The following AKAP6 variants were observed in gnomAD, a reference collection of about 807,000 sequenced individuals.
The protein encoded by AKAP6 is A-kinase anchor protein 6.
Under a neutral mutation model 188.5 loss-of-function variants are expected in AKAP6, and 58 were observed. That is an observed-to-expected ratio of 0.31 (90% CI 0.25 to 0.38). The LOEUF (loss-of-function observed/expected upper bound fraction) is 0.38. Among genes scored for constraint, AKAP6 ranks in the 10% least tolerant of loss-of-function variants. AKAP6 has a pLI of 1.00. For missense variants in AKAP6, 2,710 were observed against 2,740.0 expected, an observed-to-expected ratio of 0.99 and a Z score of 0.24; for synonymous variants, 989 against 998.6, an observed-to-expected ratio of 0.99 and a Z score of 0.18.
At chr14:32,701,168 T>G (rs553609589) in intron 9 of AKAP6, among the ~76,000 whole-genome samples, 1 of 152,262 alleles carries the variant, frequency 6.6e-6, no homozygotes, top group East Asian at 1.9e-4. Flanking sequence ...GAATTTGGGG[T>G]TATTTATAAG....
intron 1 of AKAP6, among the ~76,000 whole-genome samples, chr14:32,372,541 G>C (rs555736137): frequency 1.4e-5 from 2 of 145,218 alleles, no homozygotes; most frequent in East Asian, 4.1e-4. Context: ...CTTCTTTATA[G>C]CAATATAATT....
intron 4 of AKAP6, among the ~76,000 whole-genome samples, chr14:32,570,864 T>G (rs1280599129): frequency 1.3e-5 from 2 of 152,296 alleles, no homozygotes; most frequent in South Asian, 2.1e-4. Flanking sequence ...AGTTCTTCTC[T>G]TCTGATTCCT....
At chr14:32,646,281 T>C (rs1208693284) in intron 7 of AKAP6, among the ~76,000 whole-genome samples, 1 of 151,988 alleles carries the variant, frequency 6.6e-6, no homozygotes, top group Non-Finnish European at 1.5e-5. Context: ...AATAGATCTA[T>C]AATAGTACAT....
At chr14:32,673,145 T>C (rs897524789) in intron 7 of AKAP6, among the ~76,000 whole-genome samples, 1 of 152,200 alleles carries the variant, frequency 6.6e-6, no homozygotes, top group Non-Finnish European at 1.5e-5. Context: ...ATCTATCTGT[T>C]TCTTCACCTG....
At position 32,463,791 on chromosome 14, in the gene AKAP6, C is replaced by T. The variant is rs191245586; in HGVS notation, c.324+29974C>T. On this transcript the variant is annotated intron_variant, in intron 2 of 13. Coordinates refer to ENST00000280979, the MANE Select transcript of AKAP6 (RefSeq NM_004274.5). Reference sequence around the variant, plus strand: ...GAGACACAAAAACCCTTCAAAAAATCGATGAACCCAGGAGCTGGTTTTTTG... The same window carrying T: ...GAGACACAAAAACCCTTCAAAAAATTGATGAACCCAGGAGCTGGTTTTTTG... Among the ~76,000 whole-genome samples the T allele has an allele frequency of 7.2e-5, 11 of 152,122 alleles. No homozygotes were observed. The East Asian group carries it at 7.7e-4, about 11-fold the overall frequency.
intron 4 of AKAP6, among the ~76,000 whole-genome samples, chr14:32,559,215 G>A (rs570001731): frequency 5.9e-5 from 9 of 152,272 alleles, no homozygotes; most frequent in African/African-American, 2.2e-4. Flanking sequence ...AAGAGGCCAG[G>A]AAGATAGTAT....
At chr14:32,422,439 T>A (rs150294358) in intron 1 of AKAP6, among the ~76,000 whole-genome samples, 1 of 152,204 alleles carries the variant, frequency 6.6e-6, no homozygotes, top group Non-Finnish European at 1.5e-5. Context: ...GGAAGGAACA[T>A]GTAGGGAAGA....
intron 1 of AKAP6, among the ~76,000 whole-genome samples, chr14:32,400,563 C>CAAAACAAAAAAAAAAAA (rs1889052204): frequency 1.4e-5 from 1 of 73,984 alleles, no homozygotes; most frequent in African/African-American, 5.1e-5. Context: ...CCACTTTTAG[C>CAAAACAAAAAAAAAAAA]AAAAAAAAAA....
At chr14:32,507,799 T>C (rs1240982410) in intron 2 of AKAP6, among the ~76,000 whole-genome samples, 4 of 152,314 alleles carry the variant, frequency 2.6e-5, no homozygotes, top group Non-Finnish European at 2.9e-5. Context: ...AGGATGATGA[T>C]GCAAGCAACA....
intron 5 of AKAP6, among the ~76,000 whole-genome samples, chr14:32,581,435 A>AGGTGT (rs1478654200): frequency 6.6e-6 from 1 of 152,070 alleles, no homozygotes; most frequent in East Asian, 1.9e-4. Context: ...GTTTTGGAGT[A>AGGTGT]GGTATGGTGT....
intron 5 of AKAP6, among the ~76,000 whole-genome samples, chr14:32,581,925 G>T (rs145259884): frequency 0.023 from 3,548 of 151,406 alleles, 73 homozygotes; most frequent in Non-Finnish European, 0.031. Context: ...TACAGCACAC[G>T]GATGGGTCTT....
chr14:32,710,211 A>C (rs2139748190), intron 9 of AKAP6, among the ~76,000 whole-genome samples: 1 of 136,632 alleles, frequency 7.3e-6, no homozygotes, highest in East Asian at 2.1e-4. Flanking sequence ...AAAAAAAAAA[A>C]ACCTCTTCCA....
At chr14:32,541,715 A>G (rs1283680135) in intron 3 of AKAP6, among the ~76,000 whole-genome samples, 2 of 152,312 alleles carry the variant, frequency 1.3e-5, no homozygotes, top group East Asian at 3.9e-4. Context: ...TTATAATACT[A>G]TTTCTGTAAA....
intron 9 of AKAP6, among the ~76,000 whole-genome samples, chr14:32,698,504 T>A (rs1890495298): frequency 6.6e-6 from 1 of 152,146 alleles, no homozygotes; most frequent in Non-Finnish European, 1.5e-5. Context: ...TAACCTTTTT[T>A]ATTAAGGGCA....
intron 2 of AKAP6, among the ~76,000 whole-genome samples, chr14:32,517,976 G>T (rs1382961911): frequency 1.3e-5 from 2 of 152,148 alleles, no homozygotes; most frequent in Admixed American, 6.5e-5. Flanking sequence ...CATACAGCTG[G>T]GTGCCCCTCT....
chr14:32,746,776 C>G (rs145965258), intron 11 of AKAP6, among the ~76,000 whole-genome samples: 1 of 152,142 alleles, frequency 6.6e-6, no homozygotes, highest in South Asian at 2.1e-4. Flanking sequence ...CCTATGTAGA[C>G]TCAAAAGTCC....
At chr14:32,438,588 T>C (rs1489179507) in intron 2 of AKAP6, 1 of 152,128 alleles carries the variant, frequency 6.6e-6, no homozygotes, top group African/African-American at 2.4e-5. Flanking sequence ...AGATTGAAAA[T>C]TGGAAACAAT....
intron 2 of AKAP6, among the ~76,000 whole-genome samples, chr14:32,524,465 A>G (rs565040042): frequency 6.6e-6 from 1 of 152,216 alleles, no homozygotes; most frequent in South Asian, 2.1e-4. Context: ...TTTACTATAT[A>G]CATATATATT....
intron 12 of AKAP6, among the ~76,000 whole-genome samples, chr14:32,804,002 C>T (rs1003895084): frequency 6.6e-6 from 1 of 152,162 alleles, no homozygotes; most frequent in African/African-American, 2.4e-5. Context: ...CTAAAGAGCT[C>T]GTAAATCCAT....
Sources: allele counts gnomAD v4.1 joint callset (sites outside exome capture counted in the v4.1 genomes callset), GRCh38; gene constraint gnomAD v4.1.1; transcripts MANE v1.5; gene names NCBI Gene and HGNC (gene_info 2026-07-23, HGNC 2026-07-21).